The following RIC8B variants were observed in gnomAD, a reference collection of about 807,000 sequenced individuals.
RIC8B encodes the protein RIC8 guanine nucleotide exchange factor B.
A neutral mutation model predicts 57.5 loss-of-function variants in RIC8B; 16 were observed. The observed-to-expected ratio is 0.28, with a 90% CI of 0.19 to 0.42. The LOEUF is 0.42. Among genes scored for constraint, RIC8B ranks in the 10% least tolerant of loss-of-function variants. The probability of loss-of-function intolerance (pLI) is 1.00; values close to 1 mark genes in which losing one functional copy is unlikely to be tolerated. For missense variants in RIC8B, 481 were observed against 677.0 expected (o/e 0.71, Z 3.21); for synonymous variants, 216 against 250.8 (o/e 0.86, Z 1.31).
chr12:106,833,263 A>G (rs1267175584), intron 4 of RIC8B, among the ~76,000 whole-genome samples: 1 of 152,202 alleles, frequency 6.6e-6, no homozygotes, highest in African/African-American at 2.4e-5. Context: ...TAACATAGAG[A>G]TTAATATTTT....
At chr12:106,780,255 A>G (rs1461534180) in intron 1 of RIC8B, among the ~76,000 whole-genome samples, 1 of 152,176 alleles carries the variant, frequency 6.6e-6, no homozygotes, top group Non-Finnish European at 1.5e-5. Context: ...CCACCTGGAC[A>G]TATGACTACC....
chr12:106,867,216 C>A lies in RIC8B; in HGVS notation c.1452-3607C>A, dbSNP rs1950179111. Among the ~76,000 whole-genome samples the A allele has an allele frequency of 6.6e-6, 1 of 152,086 alleles. No individual in the cohort carries two copies. Among genetic ancestry groups the A allele is most frequent in the South Asian group, 2.1e-4 (1 of 4,836 alleles). On this transcript the variant is annotated intron_variant, in intron 8 of 9. Coordinates refer to ENST00000392837, the MANE Select transcript of RIC8B (RefSeq NM_001330145.2). This position sits in a 1 kb window ranked among gnomAD's most constrained non-coding sequence, Gnocchi z 4.3. ...TATACCTGTGTTCATTTGTCCATAC[C>A]TTTTTAGTGTGTCTTAATCCTTTTG... is the stretch of plus-strand genomic sequence containing the variant.
intron 2 of RIC8B, among the ~76,000 whole-genome samples, chr12:106,813,380 C>T (rs1043725013): frequency 2.0e-4 from 30 of 151,802 alleles, no homozygotes; most frequent in Admixed American, 1.9e-3. Flanking sequence ...TTAGTAGAGA[C>T]GGGGTTCCAC....
At chr12:106,885,413 G>A (rs1242354347) in intron 9 of RIC8B, among the ~76,000 whole-genome samples, 1 of 152,080 alleles carries the variant, frequency 6.6e-6, no homozygotes, top group Non-Finnish European at 1.5e-5. Context: ...GAATCAACAT[G>A]TACTTACATA....
At chr12:106,793,621 A>G (rs2044351951) in intron 2 of RIC8B, among the ~76,000 whole-genome samples, 3 of 152,196 alleles carry the variant, frequency 2.0e-5, no homozygotes, top group Non-Finnish European at 4.4e-5. Flanking sequence ...TTTTGAAGAC[A>G]GTAGATCAGT....
chr12:106,792,309 G>A (rs959805749), intron 2 of RIC8B, among the ~76,000 whole-genome samples: 3 of 152,184 alleles, frequency 2.0e-5, no homozygotes, highest in Admixed American at 2.0e-4. Flanking sequence ...TGGCACTGGA[G>A]GAGTAAATCT....
intron 8 of RIC8B, among the ~76,000 whole-genome samples, chr12:106,862,480 G>A (rs1056365623): frequency 2.0e-5 from 3 of 151,958 alleles, no homozygotes; most frequent in Non-Finnish European, 2.9e-5. Flanking sequence ...TCTGTGGAGC[G>A]ATCCATAGAG....
chr12:106,853,755 C>T (rs1163219820), intron 7 of RIC8B, among the ~76,000 whole-genome samples: 1 of 151,982 alleles, frequency 6.6e-6, no homozygotes, highest in Non-Finnish European at 1.5e-5. Flanking sequence ...GCATGAGCCA[C>T]CGCACCTGAC....
chr12:106,857,130 C>T (rs911447945), intron 7 of RIC8B, among the ~76,000 whole-genome samples: 5 of 152,118 alleles, frequency 3.3e-5, no homozygotes, highest in Admixed American at 6.5e-5. Context: ...TAGGGGAAGA[C>T]GTTAGAGATT....
intron 2 of RIC8B, among the ~76,000 whole-genome samples, chr12:106,812,222 A>G (rs2045366554): frequency 6.6e-6 from 1 of 152,182 alleles, no homozygotes; most frequent in Non-Finnish European, 1.5e-5. Flanking sequence ...GTGCAAAAAA[A>G]TCTTGTCTTT....
At chr12:106,832,492 G>C (rs1047119961) in intron 4 of RIC8B, among the ~76,000 whole-genome samples, 1 of 151,890 alleles carries the variant, frequency 6.6e-6, no homozygotes, top group Admixed American at 6.6e-5. Context: ...GCTTGAACCT[G>C]GGGGGCTGAG....
intron 1 of RIC8B, among the ~76,000 whole-genome samples, chr12:106,779,888 TTGTGTG>T (rs58405740): frequency 3.6e-5 from 3 of 84,188 alleles, no homozygotes; most frequent in Non-Finnish European, 4.8e-5. Flanking sequence ...TTTTTTTTTT[TTGTGTG>T]TGTGTGTGTG....
intron 8 of RIC8B, 70 bp downstream of exon 8, chr12:106,860,482 A>G: frequency 8.5e-7 from 1 of 1,172,770 alleles, no homozygotes; most frequent in Non-Finnish European, 1.1e-6. Context: ...TTTGTCTTTC[A>G]TTTTCCAAGT....
chr12:106,874,212 T>C (rs552602377), intron 9 of RIC8B, among the ~76,000 whole-genome samples: 2 of 152,360 alleles, frequency 1.3e-5, no homozygotes, highest in African/African-American at 2.4e-5. Context: ...CTGTCTGTTA[T>C]AGTAAGTGTT....
intron 9 of RIC8B, among the ~76,000 whole-genome samples, chr12:106,881,937 C>T (rs778530457): frequency 5.3e-5 from 8 of 152,150 alleles, no homozygotes; most frequent in Non-Finnish European, 1.2e-4. Flanking sequence ...ACTTCAAATA[C>T]AGTAAGGGTG....
chr12:106,834,853 G>T (rs539978948), intron 4 of RIC8B, among the ~76,000 whole-genome samples: 3 of 151,320 alleles, frequency 2.0e-5, no homozygotes, highest in Admixed American at 2.0e-4. Context: ...GTGTGGTGGC[G>T]GGTGCCTGTA....
chr12:106,817,430 T>C (rs1050293512), intron 3 of RIC8B, among the ~76,000 whole-genome samples: 4 of 151,808 alleles, frequency 2.6e-5, no homozygotes, highest in African/African-American at 9.7e-5. Context: ...GATAAAAAAT[T>C]GGGGGATGAA....
chr12:106,813,465 C>T (rs551249307), intron 2 of RIC8B, among the ~76,000 whole-genome samples: 1 of 152,286 alleles, frequency 6.6e-6, no homozygotes, highest in African/African-American at 2.4e-5. Context: ...GCTGGGATTA[C>T]AGGCGTGAGC....
chr12:106,839,077 TA>T (rs1222885534), intron 4 of RIC8B, among the ~76,000 whole-genome samples: 1 of 151,748 alleles, frequency 6.6e-6, no homozygotes, highest in Non-Finnish European at 1.5e-5. Context: ...GGTGGGAATG[TA>T]AATTAGTATA....
Sources: gnomAD v4.1 joint callset for allele counts (sites outside exome capture counted in the v4.1 genomes callset) on GRCh38, gnomAD v4.1.1 for gene constraint, Gnocchi (gnomAD v3.1) non-coding constraint, MANE v1.5 for transcripts, NCBI Gene and HGNC (gene_info 2026-07-23, HGNC 2026-07-21) for gene names.